Variants in DSP observed in about 807,000 individuals in gnomAD.
DSP encodes 250/210 kDa paraneoplastic pemphigus antigen.
Under a neutral mutation model 290.6 loss-of-function variants are expected in DSP, and 114 were observed. The observed-to-expected ratio is 0.39, with a 90% CI of 0.34 to 0.46. DSP has a LOEUF of 0.46. Ranked by LOEUF, DSP falls within the 20% of genes least tolerant of loss-of-function variation. The pLI, the probability that DSP is intolerant of heterozygous loss-of-function variation, is 0.99. For missense variants in DSP, 3,230 were observed against 3,495.8 expected (o/e 0.92, Z 1.92); for synonymous variants, 1,311 against 1,316.4 (o/e 1.00, Z 0.09).
rs768577891 is a variant in DSP, at chr6:7,581,187, G to A, written c.4997G>A (p.Arg1666Gln). 117 of 1,614,026 alleles carry A rather than the reference G, an allele frequency of 7.2e-5. No homozygotes were observed. The highest frequency in any genetic ancestry group is 3.3e-4 in the Middle Eastern group (2 of 6,084). ...RLSSEVEALR[R>Q]QLLQEQESVK... ...TCTTCTGAGGTCGAGGCCCTGAGGCGGCAGTTACTCCAGGAACAGGAAAGT... is the reference window on the plus strand; with the variant it reads ...TCTTCTGAGGTCGAGGCCCTGAGGCAGCAGTTACTCCAGGAACAGGAAAGT... Residue 1666 changes from arginine to glutamine, a missense_variant, in exon 23 of 24, where the codon CGG (arginine) becomes CAG (glutamine). By Grantham distance (43) the Arg-to-Gln change is conservative (BLOSUM62 1). Coordinates refer to ENST00000379802, the MANE Select transcript of DSP (RefSeq NM_004415.4).
At chr6:7,544,185 C>A (rs1169292032) in intron 1 of DSP, among the ~76,000 whole-genome samples, 1 of 152,170 alleles carries the variant, frequency 6.6e-6, no homozygotes, top group African/African-American at 2.4e-5. Context: ...AGGTTCCTCT[C>A]GAGCCTGACC....
chr6:7,559,965 C>T (rs1046529257), intron 4 of DSP, among the ~76,000 whole-genome samples: 1 of 152,186 alleles, frequency 6.6e-6, no homozygotes, highest in Non-Finnish European at 1.5e-5. Flanking sequence ...GGGAGTGAAG[C>T]AAAATAATGT....
chr6:7,586,310 C>T lies in DSP; in HGVS notation c.*432C>T, dbSNP rs983814574. 1 of 179,912 alleles carries T rather than the reference C, an allele frequency of 5.6e-6. No individual in the cohort carries two copies. Among genetic ancestry groups the T allele is most frequent in the Non-Finnish European group, 1.2e-5 (1 of 85,044 alleles). 11.1% of individuals were successfully genotyped at this position (179,912 alleles called of 1,614,324 possible). Reference sequence around the variant, plus strand: ...ATATTCTGTATTAGGAGAAAATTACCCTCCCAGCACCAGCCCCCCTCTCAA... The same window carrying T: ...ATATTCTGTATTAGGAGAAAATTACTCTCCCAGCACCAGCCCCCCTCTCAA... On this transcript the variant is annotated 3_prime_UTR_variant, in exon 24 of 24. Coordinates refer to ENST00000379802, the MANE Select transcript of DSP (RefSeq NM_004415.4).
rs765436951 is a variant in DSP, at chr6:7,541,882, C to T, written c.-34C>T. ...GCGCCGGCCCGCCTCGCTTATGCCT[C>T]GGCGCTGAGCCGCTCTCCCGATTGC... On this transcript the variant is annotated 5_prime_UTR_variant, in exon 1 of 24. Coordinates refer to ENST00000379802, the MANE Select transcript of DSP (RefSeq NM_004415.4). The T allele has an allele frequency of 2.3e-4, 367 of 1,591,952 alleles. No homozygotes were observed. Among genetic ancestry groups the T allele is most frequent in the Non-Finnish European group, 3.1e-4 (359 of 1,171,252 alleles).
chr6:7,576,916 T>C (rs1561695040), intron 19 of DSP, 43 bp from the exon 20 acceptor site: 2 of 1,488,806 alleles, frequency 1.3e-6, no homozygotes. Flanking sequence ...TTTAAAAATA[T>C]TTGTATGCAT....
rs200853653 is a variant in DSP at position 7,566,344 on chromosome 6, G to C, written c.940-33G>C. Reference sequence around the variant, plus strand: ...GGTGATGGAAGTTTAATGATGACTTGCTGCAAAGGATTTCTTATTTCTTCA... The same window carrying C: ...GGTGATGGAAGTTTAATGATGACTTCCTGCAAAGGATTTCTTATTTCTTCA... On this transcript the variant is annotated intron_variant, in intron 7 of 23. Transcript: ENST00000379802. 3.9e-4 allele frequency: 609 copies of C among 1,565,116 alleles called. 3 individuals carry two copies. The highest frequency in any genetic ancestry group is 5.1e-4 in the Non-Finnish European group (577 of 1,137,838).
At chr6:7,569,692 G>A (rs1429033342) in intron 12 of DSP, among the ~76,000 whole-genome samples, 1 of 152,128 alleles carries the variant, frequency 6.6e-6, no homozygotes, top group African/African-American at 2.4e-5. Flanking sequence ...AAATTAGCCA[G>A]GTGTGGTGGT....
At position 7,581,138 on chromosome 6, in the gene DSP, A is replaced by G. The variant is rs2113695282; in HGVS notation, c.4948A>G (p.Thr1650Ala). The change falls in exon 23 of 24, where the codon ACC becomes GCC. Residue 1650 changes from threonine (T) to alanine (A), a missense_variant. Around this residue, in one of 5 missense-constraint regions of DSP, gnomAD observed 1,714 missense variants for 1,844.5 expected, o/e 0.93. Coordinates refer to ENST00000379802, the MANE Select transcript of DSP (RefSeq NM_004415.4). The stretch of plus-strand genomic sequence containing the variant: ...TGGCCACCTGAGGGAAAAGCAGAGG[A>G]CCCAGGAAGAGCTGAGGAGGCTCTC... ...LDGHLREKQR[T>A]QEELRRLSSE... is the part of the protein sequence containing the mutation. 1.2e-6 allele frequency: 2 copies of G among 1,614,066 alleles called. No homozygotes were observed. The highest frequency in any genetic ancestry group is 3.3e-5 in the Admixed American group (2 of 60,020).
At chr6:7,564,474 G>A (rs971795722) in intron 6 of DSP, among the ~76,000 whole-genome samples, 2 of 152,146 alleles carry the variant, frequency 1.3e-5, no homozygotes, top group African/African-American at 4.8e-5. Flanking sequence ...GTGACTTATG[G>A]CACTTTGAAT....
chr6:7,572,130 T>TA (rs759997969), intron 15 of DSP, 62 bp downstream of exon 15: 570 of 1,407,928 alleles, frequency 4.0e-4, no homozygotes, highest in Non-Finnish European at 4.3e-4. Flanking sequence ...TGTAAATGAA[T>TA]AAAAAAAATC....
Position 7,580,436 on chromosome 6 carries a change from C to G in DSP, c.4246C>G (p.Leu1416Val), listed in dbSNP as rs1759390886. Residue 1416 changes from leucine to valine, a missense_variant, in exon 23 of 24, where the codon CTA becomes GTA. Physicochemically the swap from Leu to Val is conservative, Grantham distance 32 (BLOSUM62 1). Transcript: ENST00000379802. This position sits in a 1 kb window ranked among gnomAD's most constrained non-coding sequence, Gnocchi z 4.2. ...AGAAATAAAGAGGCTGAAGAACACT[C>G]TAACCCAGACCACAGAGAATCTCAG... The part of the protein sequence containing the change: ...SEEIKRLKNT[L>V]TQTTENLRRV... 6.2e-7 allele frequency: 1 copy of G among 1,613,918 alleles called. No homozygotes were observed. The highest frequency in any genetic ancestry group is 1.7e-5 in the Admixed American group (1 of 59,990).
intron 1 of DSP, 43 bp downstream of exon 1, chr6:7,542,128 A>G: frequency 6.5e-7 from 1 of 1,548,554 alleles, no homozygotes; most frequent in Non-Finnish European, 8.7e-7. Flanking sequence ...GGCTCGCGGG[A>G]CAGGGAGGGA....
At chr6:7,574,543 A>G (rs1192793313) in intron 16 of DSP, 114 bp from the exon 17 acceptor site, 1 of 1,498,006 alleles carries the variant, frequency 6.7e-7, no homozygotes, top group African/African-American at 1.4e-5. Flanking sequence ...AACAGACAAA[A>G]TAAATTTTTA....
At position 7,578,496 on chromosome 6, in the gene DSP, A is replaced by G. The variant is rs375412541; in HGVS notation, c.3018A>G (p.Leu1006=). The G allele has an allele frequency of 1.9e-5, 30 of 1,613,788 alleles. No homozygotes were observed. Among genetic ancestry groups the G allele is most frequent in the Non-Finnish European group, 2.4e-5 (28 of 1,179,886 alleles). Residue 1006 remains leucine, a synonymous_variant, in exon 22 of 24, where the codon CTA becomes CTG. Coordinates refer to ENST00000379802, the MANE Select transcript of DSP (RefSeq NM_004415.4). ...ATGTTCATGCTCGGTACATTGAACT[A>G]CTTACAAGATCTGGAGACTATTACA... is the stretch of plus-strand genomic sequence containing the variant. The part of the protein sequence containing the change: ...AADVHARYIE[L]LTRSGDYYRF...
Position 7,585,546 on chromosome 6 carries a change from C to A in DSP, c.8284C>A (p.Gln2762Lys). ...GGGGTTCATAGATGGCCGCGCCGCA[C>A]AGAGGCTGCAAGACACCAGCAGCTA... ...RKGFIDGRAA[Q>K]RLQDTSSYAK... Residue 2762 changes from glutamine (Q) to lysine (K), a missense_variant, in exon 24 of 24, where the codon CAG (glutamine) becomes AAG (lysine). By Grantham distance (53) the Gln-to-Lys change is moderately conservative. Transcript: ENST00000379802. The A allele has an allele frequency of 6.2e-7, 1 of 1,614,196 alleles. No homozygotes were observed. The highest frequency in any genetic ancestry group is 8.5e-7 in the Non-Finnish European group (1 of 1,180,046).
At position 7,579,676 on chromosome 6, in the gene DSP, A is replaced by G. The variant is rs1382249728; in HGVS notation, c.3486A>G (p.Lys1162=). The G allele has an allele frequency of 6.2e-7, 1 of 1,613,968 alleles. No individual in the cohort carries two copies. Among genetic ancestry groups the G allele is most frequent in the South Asian group, 1.1e-5 (1 of 91,066 alleles). ...NLGWQKLESE[K]AIKEKEYEIE... The stretch of plus-strand genomic sequence containing the variant: ...GTTGGCAGAAATTAGAGTCTGAGAA[A>G]GCCATCAAGGAGAAGGAGTACGAGA... Residue 1162 remains lysine, a synonymous_variant, in exon 23 of 24, where the codon AAA becomes AAG. Coordinates refer to ENST00000379802, the MANE Select transcript of DSP (RefSeq NM_004415.4). This position sits in a 1 kb window ranked among gnomAD's most constrained non-coding sequence, Gnocchi z 4.1.
chr6:7,563,690 A>C (rs1758769954), intron 5 of DSP, 46 bp from the exon 6 acceptor site: 1 of 1,537,006 alleles, frequency 6.5e-7, no homozygotes, highest in African/African-American at 1.4e-5. Context: ...TTTTCTATAC[A>C]ATCCACAAGG....
chr6:7,565,577 C>T lies in DSP; in HGVS notation c.939+57C>T. 6 of 1,604,028 alleles carry T rather than the reference C, an allele frequency of 3.7e-6. No homozygotes were observed. The highest frequency in any genetic ancestry group is 5.1e-6 in the Non-Finnish European group (6 of 1,171,510). On this transcript the variant is annotated intron_variant, in intron 7 of 23. Coordinates refer to ENST00000379802, the MANE Select transcript of DSP (RefSeq NM_004415.4). This position sits in a 1 kb window ranked among gnomAD's most constrained non-coding sequence, Gnocchi z 4.2. ...GTCTTGAGCCTGTTGCCTTGAAGAGCTGGGGTCTCGGGGAATGATTGGTCT... is the reference window on the plus strand; with the variant it reads ...GTCTTGAGCCTGTTGCCTTGAAGAGTTGGGGTCTCGGGGAATGATTGGTCT...
In DSP at chr6:7,583,788, G is replaced by T. The variant is rs746533703; in HGVS notation, c.6526G>T (p.Val2176Phe). ...RDSQKNFVDP[V>F]TKKKVSYVQL... The stretch of plus-strand genomic sequence containing the variant: ...TAGTCAGAAAAACTTTGTGGATCCA[G>T]TCACCAAAAAGAAGGTCAGTTACGT... The change falls in exon 24 of 24, where the codon GTC (valine) becomes TTC (phenylalanine). Residue 2176 changes from valine to phenylalanine, a missense_variant. Physicochemically the swap from Val to Phe is conservative, Grantham distance 50. Coordinates refer to ENST00000379802, the MANE Select transcript of DSP (RefSeq NM_004415.4). The surrounding 1 kb of genome is among the most constrained non-coding windows in gnomAD (Gnocchi z 4.0). The T allele has an allele frequency of 1.9e-6, 3 of 1,613,966 alleles. No individual in the cohort carries two copies. Among genetic ancestry groups the T allele is most frequent in the Non-Finnish European group, 2.5e-6 (3 of 1,180,032 alleles).
Sources: allele counts gnomAD v4.1 joint callset (sites outside exome capture counted in the v4.1 genomes callset), GRCh38; gene constraint gnomAD v4.1.1; regional missense constraint gnomAD v4.1.1; non-coding constraint Gnocchi (gnomAD v3.1); transcripts MANE v1.5; gene names NCBI Gene and HGNC (gene_info 2026-07-23, HGNC 2026-07-21).